Variants in PHACTR2 observed in about 807,000 individuals in gnomAD.
PHACTR2 encodes the protein chromosome 6 open reading frame 56.
PHACTR2 carries 30 observed loss-of-function variants against 76.0 expected under a neutral mutation model. The observed-to-expected ratio is 0.39, with a 90% CI of 0.30 to 0.54. PHACTR2 has a LOEUF of 0.54. Ranked by LOEUF, PHACTR2 falls within the 20% of genes least tolerant of loss-of-function variation. The pLI is 0.61. For synonymous variants in PHACTR2, 292 were observed against 292.5 expected (o/e 1.00, Z 0.02); for missense variants, 696 against 781.1 (o/e 0.89, Z 1.30).
chr6:143,813,073 GA>G (rs1453482376), intron 12 of PHACTR2, among the ~76,000 whole-genome samples: 3 of 152,158 alleles, frequency 2.0e-5, no homozygotes, highest in Non-Finnish European at 4.4e-5. Context: ...TTGTTATCAA[GA>G]GAGAATATCG....
intron 1 of PHACTR2, among the ~76,000 whole-genome samples, chr6:143,569,625 C>T (rs1775418977): frequency 6.6e-6 from 1 of 151,998 alleles, no homozygotes; most frequent in African/African-American, 2.4e-5. Context: ...GCCTACATAC[C>T]ACTGGTGGTA....
intron 1 of PHACTR2, among the ~76,000 whole-genome samples, chr6:143,559,657 A>G (rs1168973185): frequency 6.7e-6 from 1 of 150,164 alleles, no homozygotes; most frequent in Non-Finnish European, 1.5e-5. Context: ...TAATACTAGA[A>G]ATATCAATAA....
chr6:143,711,142 C>T (rs1778169322), intron 1 of PHACTR2: 2 of 425,686 alleles, frequency 4.7e-6, no homozygotes, highest in South Asian at 3.5e-5. Flanking sequence ...CTATACGTTC[C>T]CTCAAGTTTC....
chr6:143,554,185 C>T lies in PHACTR2; in HGVS notation c.217+16978C>T, dbSNP rs1030878167. 2.6e-5 allele frequency: 4 copies of T among 152,124 alleles called. No individual in the cohort carries two copies. Among genetic ancestry groups the T allele is most frequent in the Admixed American group, 6.6e-5 (1 of 15,266 alleles). The allele number at this position is 152,124 out of a possible 1,614,324, so 9.4% of individuals were successfully genotyped here. A position where few individuals can be genotyped will look rare whatever the true frequency, so the allele number is the denominator to read the frequency against. ...TCCACAGTATGCAGGGCTATGGTGT[C>T]TGCTTCTTCTCAGGAAGGGACAGTA... On this transcript the variant is annotated intron_variant, in intron 1 of 11. Coordinates refer to the PHACTR2 transcript ENST00000367584. The surrounding 1 kb of genome is among the most constrained non-coding windows in gnomAD (Gnocchi z 5.9).
rs1775631943 is a variant in PHACTR2 at position 143,789,642 on chromosome 6, G to C, written c.1845+732G>C. Among the ~76,000 whole-genome samples the C allele has an allele frequency of 1.3e-5, 2 of 152,118 alleles. No homozygotes were observed. The highest frequency in any genetic ancestry group is 2.4e-5 in the African/African-American group (1 of 41,430). On this transcript the variant is annotated intron_variant, in intron 11 of 12. Transcript: ENST00000440869. This position sits in a 1 kb window ranked among gnomAD's most constrained non-coding sequence, Gnocchi z 5.1. ...AATTTTTATCTCTTAGCAAAATCTG[G>C]TATTGAATAAACTCGTGCTATACCC...
intron 1 of PHACTR2, among the ~76,000 whole-genome samples, chr6:143,574,643 C>T (rs1049329618): frequency 4.0e-5 from 6 of 150,988 alleles, no homozygotes; most frequent in Non-Finnish European, 5.9e-5. Flanking sequence ...AATGATTCCC[C>T]GGAATGTGTT....
In PHACTR2 at chr6:143,753,642, T is replaced by G. The variant is rs1249545036; in HGVS notation, c.296-112T>G. 2.9e-6 allele frequency: 2 copies of G among 696,070 alleles called. No homozygotes were observed. Among genetic ancestry groups the G allele is most frequent in the Non-Finnish European group, 4.9e-6 (2 of 411,794 alleles). The allele number at this position is 696,070 out of a possible 1,614,324, so 43.1% of individuals were successfully genotyped here. A position where few individuals can be genotyped will look rare whatever the true frequency, so the allele number is the denominator to read the frequency against. On this transcript the variant is annotated intron_variant, in intron 3 of 12. Coordinates refer to ENST00000440869, the MANE Select transcript of PHACTR2 (RefSeq NM_001100164.2). The surrounding 1 kb of genome is among the most constrained non-coding windows in gnomAD (Gnocchi z 4.6). ...CCGGTGAAACAGTGCAGGGTGTATT[T>G]GGTTCCCAGGGACTGAAACATGAAT...
At chr6:143,675,069 G>A (rs779064160), upstream of PHACTR2, among the ~76,000 whole-genome samples, 3 of 152,212 alleles carry the variant, frequency 2.0e-5, no homozygotes, top group Non-Finnish European at 2.9e-5. This position sits in a 1 kb window ranked among gnomAD's most constrained non-coding sequence, Gnocchi z 4.9. Flanking sequence ...ACAAGCCAGT[G>A]AAGTCTGTGT....
In PHACTR2 at chr6:143,823,779, T is replaced by A; in HGVS notation, c.*90T>A. On this transcript the variant is annotated 3_prime_UTR_variant, in exon 13 of 13. Transcript: ENST00000440869. The surrounding 1 kb of genome is among the most constrained non-coding windows in gnomAD (Gnocchi z 5.7). ...ACCTGATATTGCACTGGGATTTGAA[T>A]GTGTGTGTTTCCGTTTAACTTGTGG... The A allele has an allele frequency of 9.5e-7, 1 of 1,056,412 alleles. No individual in the cohort carries two copies. The highest frequency in any genetic ancestry group is 1.5e-6 in the Non-Finnish European group (1 of 674,672). The allele number at this position is 1,056,412 out of a possible 1,614,324, so 65.4% of individuals were successfully genotyped here.
rs1300847281 is a variant in PHACTR2, at chr6:143,700,757, A to T, written c.47-11259A>T. Among the ~76,000 whole-genome samples the T allele has an allele frequency of 6.6e-6, 1 of 152,212 alleles. No homozygotes were observed. Among genetic ancestry groups the T allele is most frequent in the Non-Finnish European group, 1.5e-5 (1 of 68,040 alleles). On this transcript the variant is annotated intron_variant, in intron 1 of 12. Coordinates refer to ENST00000440869, the MANE Select transcript of PHACTR2 (RefSeq NM_001100164.2). The surrounding 1 kb of genome is among the most constrained non-coding windows in gnomAD (Gnocchi z 4.1). The stretch of plus-strand genomic sequence containing the variant: ...GCAGATTGTCCATTGGGGATATATC[A>T]GCTTTTTCTTCCTTTTCACAAACAC...
At position 143,585,188 on chromosome 6, in the gene PHACTR2, T is replaced by C. The variant is rs9484776; in HGVS notation, c.217+47981T>C. Reference sequence around the variant, plus strand: ...GCTACAGGGACAGAGAGTGGGGGCTTAGTGGGGTAGAGACTGCATCTGCAC... The same window carrying C: ...GCTACAGGGACAGAGAGTGGGGGCTCAGTGGGGTAGAGACTGCATCTGCAC... On this transcript the variant is annotated intron_variant, in intron 1 of 11. Coordinates refer to the PHACTR2 transcript ENST00000367584. This position sits in a 1 kb window ranked among gnomAD's most constrained non-coding sequence, Gnocchi z 5.2. 0.7 allele frequency among the ~76,000 whole-genome samples: 105,632 copies of C among 151,630 alleles called. 37,219 individuals are homozygous for C. Among genetic ancestry groups the C allele is most frequent in the Middle Eastern group, 0.79 (232 of 294 alleles).
chr6:143,714,050 C>CA (rs1778245918), intron 2 of PHACTR2, among the ~76,000 whole-genome samples: 1 of 151,812 alleles, frequency 6.6e-6, no homozygotes, highest in Admixed American at 6.6e-5. Flanking sequence ...CTTTTAGTGG[C>CA]AAAAAACCGC....
In PHACTR2 at chr6:143,678,903, A is replaced by T. The variant is rs977454093; in HGVS notation, c.46+694A>T. ...CCATTTTCTTAAACAAAAAGAGGGA[A>T]GGAAGGTACGTCTGGCATTTCCCCG... On this transcript the variant is annotated intron_variant, in intron 1 of 12. Transcript: ENST00000440869. The surrounding 1 kb of genome is among the most constrained non-coding windows in gnomAD (Gnocchi z 6.2). Among the ~76,000 whole-genome samples the T allele has an allele frequency of 1.3e-5, 2 of 152,034 alleles. No individual in the cohort carries two copies. Among genetic ancestry groups the T allele is most frequent in the African/African-American group, 4.8e-5 (2 of 41,350 alleles).
chr6:143,740,508 T>TGTAA (rs112665368), intron 2 of PHACTR2, among the ~76,000 whole-genome samples: 51,075 of 128,646 alleles, frequency 0.4, 10,038 homozygotes, highest in African/African-American at 0.43. Context: ...TCCTTTTAAT[T>TGTAA]AAAAAAAAAA....
rs11155326 is a variant in PHACTR2, at chr6:143,800,510, A to G, written c.1846-6547A>G. ...TCTCCTGACTTCGTGATCTGCCTGC[A>G]TCGGCCTCCCAAAGTGCTGGGATTA... On this transcript the variant is annotated intron_variant, in intron 11 of 12. Coordinates refer to ENST00000440869, the MANE Select transcript of PHACTR2 (RefSeq NM_001100164.2). This position sits in a 1 kb window ranked among gnomAD's most constrained non-coding sequence, Gnocchi z 4.8. Among the ~76,000 whole-genome samples, 45,842 of 151,880 alleles carry G rather than the reference A, an allele frequency of 0.3. 7,015 individuals carry two copies. Among genetic ancestry groups the G allele is most frequent in the Admixed American group, 0.41 (6,214 of 15,258 alleles).
chr6:143,795,016 C>T lies in PHACTR2; in HGVS notation c.1845+6106C>T, dbSNP rs770747557. On this transcript the variant is annotated intron_variant, in intron 11 of 12. Coordinates refer to ENST00000440869, the MANE Select transcript of PHACTR2 (RefSeq NM_001100164.2). This position sits in a 1 kb window ranked among gnomAD's most constrained non-coding sequence, Gnocchi z 4.8. The stretch of plus-strand genomic sequence containing the variant: ...CTTGCTGGTTGTGGTGGGGAATCTC[C>T]GGAATCTGGTAGTCTGGTTAAATGG... Among the ~76,000 whole-genome samples the T allele has an allele frequency of 7.2e-5, 11 of 152,196 alleles. No homozygotes were observed. The South Asian group carries it at 1.0e-3, about 14-fold the overall frequency.
chr6:143,602,888 T>C lies in PHACTR2; in HGVS notation c.217+65681T>C, dbSNP rs1775827245. ...GGCTGGGCACAGTGGCTCATGCCTG[T>C]AACCCCAGCACTTTGGGAGGCCGAG... On this transcript the variant is annotated intron_variant, in intron 1 of 11. Transcript: ENST00000367584. This position sits in a 1 kb window ranked among gnomAD's most constrained non-coding sequence, Gnocchi z 6.1. 6.6e-6 allele frequency among the ~76,000 whole-genome samples: 1 copy of C among 152,180 alleles called. No homozygotes were observed. Among genetic ancestry groups the C allele is most frequent in the African/African-American group, 2.4e-5 (1 of 41,452 alleles).
intron 1 of PHACTR2, among the ~76,000 whole-genome samples, chr6:143,650,420 C>T (rs1269332529): frequency 2.6e-5 from 4 of 152,094 alleles, no homozygotes; most frequent in Non-Finnish European, 5.9e-5. Context: ...GGAGGCATCA[C>T]CCTACCCAAC....
chr6:143,779,316 G>A (rs1427207908), intron 9 of PHACTR2, among the ~76,000 whole-genome samples: 8 of 150,642 alleles, frequency 5.3e-5, no homozygotes. Flanking sequence ...ATACAGTGTG[G>A]TTTTTAAGGA....
Sources: gnomAD v4.1 joint callset for allele counts (sites outside exome capture counted in the v4.1 genomes callset) on GRCh38, gnomAD v4.1.1 for gene constraint, Gnocchi (gnomAD v3.1) non-coding constraint, MANE v1.5 for transcripts, NCBI Gene and HGNC (gene_info 2026-07-23, HGNC 2026-07-21) for gene names.